The following BEAN1 variants were observed in gnomAD, a reference collection of about 807,000 sequenced individuals.
The protein encoded by BEAN1 is brain expressed associated with NEDD4 1.
A neutral mutation model predicts 17.7 loss-of-function variants in BEAN1; 17 were observed. The observed-to-expected ratio is 0.96, with a 90% CI of 0.66 to 1.44. The LOEUF (loss-of-function observed/expected upper bound fraction) is 1.44. BEAN1 is among the 40% of genes most tolerant of loss of function. The pLI is 0.00. For synonymous variants in BEAN1, 142 were observed against 151.8 expected (o/e 0.94, Z 0.47); for missense variants, 359 against 374.1 (o/e 0.96, Z 0.33).
At chr16:66,492,602 G>A (rs1296829199) in intron 4 of BEAN1, among the ~76,000 whole-genome samples, 2 of 150,958 alleles carry the variant, frequency 1.3e-5, no homozygotes, top group Non-Finnish European at 3.0e-5. Context: ...ACCATGCCCG[G>A]CTAATTTTTT....
chr16:66,437,559 G>A, intron 1 of BEAN1, 36 bp from the exon 2 acceptor site: 1 of 1,251,718 alleles, frequency 8.0e-7, no homozygotes, highest in Non-Finnish European at 1.1e-6. Context: ...GGTGCGCCAT[G>A]GGCCCCCCAA....
chr16:66,436,124 C>A (rs971491052), intron 1 of BEAN1, among the ~76,000 whole-genome samples: 3 of 152,186 alleles, frequency 2.0e-5, no homozygotes, highest in African/African-American at 7.2e-5. Flanking sequence ...GGTGCAGTTT[C>A]GCTTCTGCAA....
intron 1 of BEAN1, chr16:66,428,404 C>G (rs1334051456): frequency 6.6e-6 from 1 of 152,220 alleles, no homozygotes; most frequent in Non-Finnish European, 1.5e-5. Flanking sequence ...GAGCCCCTGC[C>G]GAGAGCATGC....
intron 4 of BEAN1, among the ~76,000 whole-genome samples, chr16:66,490,305 G>C (rs965026288): frequency 2.0e-5 from 3 of 148,280 alleles, no homozygotes; most frequent in Non-Finnish European, 4.4e-5. Flanking sequence ...GCTGAGGCAG[G>C]AGAATCGCTT....
Position 66,445,481 on chromosome 16 carries a change from A to G in BEAN1, c.25+7780A>G, listed in dbSNP as rs1375167158. On this transcript the variant is annotated intron_variant, in intron 2 of 4. Coordinates refer to ENST00000536005, the MANE Select transcript of BEAN1 (RefSeq NM_001178020.3). ...AGAGAGTGAGACTCCGTCTCAAAAA[A>G]AAAAAAAAAAAAAAAAAAAAAAAAA... Among the ~76,000 whole-genome samples the G allele has an allele frequency of 8.4e-3, 163 of 19,352 alleles. 1 individual carries two copies. Among genetic ancestry groups the G allele is most frequent in the Non-Finnish European group, 0.016 (129 of 7,878 alleles). The allele number at this position is 19,352 out of a possible 152,430, so 12.7% of individuals were successfully genotyped here.
chr16:66,458,085 T>G (rs1361266437), intron 2 of BEAN1, among the ~76,000 whole-genome samples: 2 of 152,228 alleles, frequency 1.3e-5, no homozygotes, highest in African/African-American at 4.8e-5. Flanking sequence ...CATCCATTAG[T>G]TCTGAGTCCT....
intron 3 of BEAN1, chr16:66,476,199 T>G (rs1963740312): frequency 6.6e-6 from 1 of 151,960 alleles, no homozygotes; most frequent in South Asian, 2.1e-4. Flanking sequence ...CATCAACGTG[T>G]TTGGAATATT....
intron 2 of BEAN1, among the ~76,000 whole-genome samples, chr16:66,459,208 C>G (rs756146721): frequency 6.6e-6 from 1 of 152,188 alleles, no homozygotes; most frequent in Non-Finnish European, 1.5e-5. Context: ...TCTCCTGCCC[C>G]GAACCCTGCC....
intron 1 of BEAN1, among the ~76,000 whole-genome samples, chr16:66,437,328 C>CCTCT (rs1567482361): frequency 2.6e-5 from 4 of 151,060 alleles, no homozygotes; most frequent in Admixed American, 2.6e-4. Context: ...ATCCTAATTC[C>CCTCT]CAAAGATCCA....
downstream of BEAN1, chr16:66,485,206 G>T: frequency 2.4e-6 from 1 of 418,458 alleles, no homozygotes; most frequent in South Asian, 1.7e-5. Flanking sequence ...CCCCTCCCAA[G>T]TTCCTAGAGA....
chr16:66,465,265 T>C (rs1356419647), intron 2 of BEAN1, among the ~76,000 whole-genome samples: 1 of 152,206 alleles, frequency 6.6e-6, no homozygotes, highest in East Asian at 1.9e-4. Context: ...TGTATAATCC[T>C]TTTTATGTAT....
chr16:66,485,668 A>T (rs1964079325), downstream of BEAN1: 1 of 162,282 alleles, frequency 6.2e-6, no homozygotes, highest in Non-Finnish European at 1.4e-5. Context: ...CCAAGGTTGC[A>T]GGTCCTCAGG....
Position 66,473,107 on chromosome 16 carries a change from G to A in BEAN1, c.289+3242G>A, listed in dbSNP as rs768956479. ...ACTTATCTTGGAGTGCACGCTAGGC[G>A]CCCACAGTAGTTCCCAAGCTGAGAG... On this transcript the variant is annotated intron_variant, in intron 3 of 4. Transcript: ENST00000536005. The surrounding 1 kb of genome is among the most constrained non-coding windows in gnomAD (Gnocchi z 4.5). 5.3e-5 allele frequency among the ~76,000 whole-genome samples: 8 copies of A among 152,182 alleles called. No homozygotes were observed. Among genetic ancestry groups the A allele is most frequent in the East Asian group, 1.9e-4 (1 of 5,178 alleles).
chr16:66,494,958 G>A (rs1964225778), downstream of BEAN1, among the ~76,000 whole-genome samples: 1 of 152,198 alleles, frequency 6.6e-6, no homozygotes, highest in African/African-American at 2.4e-5. Context: ...CTAACCCAGG[G>A]ACGGCCTCTA....
intron 2 of BEAN1, among the ~76,000 whole-genome samples, chr16:66,463,992 A>C (rs1792097804): frequency 6.6e-6 from 1 of 152,226 alleles, no homozygotes; most frequent in African/African-American, 2.4e-5. Flanking sequence ...TTATATGTCT[A>C]TCTCCATGCT....
chr16:66,444,950 G>T (rs943235465), intron 2 of BEAN1, among the ~76,000 whole-genome samples: 15 of 152,322 alleles, frequency 9.8e-5, no homozygotes, highest in African/African-American at 3.6e-4. Flanking sequence ...GTAAACTGTG[G>T]ACAGTCATCC....
At chr16:66,469,534 A>G in intron 2 of BEAN1, 68 bp from the exon 3 acceptor site, 1 of 1,444,996 alleles carries the variant, frequency 6.9e-7, no homozygotes, top group Non-Finnish European at 9.3e-7. Flanking sequence ...ACAGGGCAGC[A>G]CGGGCAGAGA....
At chr16:66,437,486 C>T (rs893325366) in intron 1 of BEAN1, 109 bp from the exon 2 acceptor site, 33 of 651,604 alleles carry the variant, frequency 5.1e-5, no homozygotes, top group Non-Finnish European at 7.2e-5. Context: ...AAAGAAGTGA[C>T]CATCCTCTCC....
At chr16:66,448,019 C>T (rs1962518459) in intron 2 of BEAN1, among the ~76,000 whole-genome samples, 1 of 152,216 alleles carries the variant, frequency 6.6e-6, no homozygotes, top group South Asian at 2.1e-4. Context: ...CAAGGCACAT[C>T]TTTAAAAAGA....
Sources: allele counts gnomAD v4.1 joint callset (sites outside exome capture counted in the v4.1 genomes callset), GRCh38; gene constraint gnomAD v4.1.1; non-coding constraint Gnocchi (gnomAD v3.1); transcripts MANE v1.5; gene names NCBI Gene and HGNC (gene_info 2026-07-23, HGNC 2026-07-21).